Variants in PRKAG2 observed in about 807,000 individuals in gnomAD.
The protein encoded by PRKAG2 is protein kinase AMP-activated non-catalytic subunit gamma 2.
A neutral mutation model predicts 69.6 loss-of-function variants in PRKAG2; 26 were observed. That is an observed-to-expected ratio of 0.37 (90% CI 0.27 to 0.52). The LOEUF is 0.52. Ranked by LOEUF, PRKAG2 falls within the 20% of genes least tolerant of loss-of-function variation. The pLI is 0.90. For synonymous variants in PRKAG2, 293 were observed against 285.0 expected, an observed-to-expected ratio of 1.03 and a Z score of -0.28; for missense variants, 557 against 740.0, an observed-to-expected ratio of 0.75 and a Z score of 2.87.
chr7:151,727,992 A>G (rs1798277945), intron 3 of PRKAG2, among the ~76,000 whole-genome samples: 1 of 152,138 alleles, frequency 6.6e-6, no homozygotes, highest in Admixed American at 6.5e-5. Context: ...ACACTCCCCC[A>G]GCAGCCTGCT....
chr7:151,768,527 A>G (rs2075857864), intron 3 of PRKAG2, among the ~76,000 whole-genome samples: 1 of 152,108 alleles, frequency 6.6e-6, no homozygotes, highest in Non-Finnish European at 1.5e-5. Context: ...GTGCACTAGC[A>G]CGATCCTGGC....
chr7:151,818,422 G>T (rs2078695577), intron 1 of PRKAG2, among the ~76,000 whole-genome samples: 1 of 151,380 alleles, frequency 6.6e-6, no homozygotes. Context: ...GTCAAATGCT[G>T]CATGCCAAGC....
In PRKAG2 at chr7:151,781,411, C is replaced by G. The variant is rs144384573; in HGVS notation, c.207G>C (p.Pro69=). Residue 69 remains proline (P), a synonymous_variant, in exon 3 of 16, where the codon CCG becomes CCC. Coordinates refer to ENST00000287878, the MANE Select transcript of PRKAG2 (RefSeq NM_016203.4). The surrounding 1 kb of genome is among the most constrained non-coding windows in gnomAD (Gnocchi z 6.1). ...AGAAGAACCCTTTGGAGGGGCTGCC[C>G]GGGCCGAAGGGGCTGTCCACCTGCA... The part of the protein sequence containing the change: ...SSRKVDSPFG[P]GSPSKGFFSR... The G allele has an allele frequency of 2.5e-6, 4 of 1,609,030 alleles. No individual in the cohort carries two copies. The South Asian group carries it at 4.4e-5, about 18-fold the overall frequency.
intron 1 of PRKAG2, among the ~76,000 whole-genome samples, chr7:151,804,541 G>C (rs190278393): frequency 6.6e-6 from 1 of 152,046 alleles, no homozygotes; most frequent in African/African-American, 2.4e-5. Context: ...GAGGAGATTT[G>C]GGTGGGGACA....
chr7:151,690,792 C>T (rs996080528), intron 3 of PRKAG2, among the ~76,000 whole-genome samples: 1 of 152,214 alleles, frequency 6.6e-6, no homozygotes, highest in Non-Finnish European at 1.5e-5. Context: ...AATCATTCCT[C>T]CTTTTCATGC....
At chr7:151,735,611 G>A (rs1236209471) in intron 3 of PRKAG2, among the ~76,000 whole-genome samples, 1 of 152,186 alleles carries the variant, frequency 6.6e-6, no homozygotes, top group Admixed American at 6.5e-5. Context: ...CTGAGCCACA[G>A]TTTTTGCATA....
intron 3 of PRKAG2, among the ~76,000 whole-genome samples, chr7:151,695,884 AAACCGTAGGC>A (rs1295514413): frequency 6.6e-6 from 1 of 152,174 alleles, no homozygotes; most frequent in Non-Finnish European, 1.5e-5. Flanking sequence ...AGACAGGTGG[AAACCGTAGGC>A]ACTGTGTCCT....
intron 5 of PRKAG2, among the ~76,000 whole-genome samples, chr7:151,605,222 G>T (rs1817223517): frequency 6.6e-6 from 1 of 151,244 alleles, no homozygotes; most frequent in South Asian, 2.1e-4. Context: ...TCACCATGTT[G>T]GCCAGGCTGG....
At chr7:151,663,109 T>A (rs1830551006) in intron 4 of PRKAG2, among the ~76,000 whole-genome samples, 1 of 152,092 alleles carries the variant, frequency 6.6e-6, no homozygotes, top group Non-Finnish European at 1.5e-5. Flanking sequence ...GACACAAATC[T>A]GAACAAGTCC....
At position 151,868,764 on chromosome 7, in the gene PRKAG2, TA is replaced by T. The variant is rs1467422419; in HGVS notation, c.114+7742del. On this transcript the variant is annotated intron_variant, in intron 1 of 15. Transcript: ENST00000287878. Reference sequence around the variant, plus strand: ...TACTCGGTAACCTTAGCAGCCCCCATAAATGTAAAAAGGTGCCTAGAAACAG... The same window carrying T: ...TACTCGGTAACCTTAGCAGCCCCCATAATGTAAAAAGGTGCCTAGAAACAG... Among the ~76,000 whole-genome samples the T allele has an allele frequency of 1.1e-4, 16 of 152,208 alleles. No homozygotes were observed. In the East Asian group the frequency reaches 3.1e-3, roughly 29 times the overall value.
At chr7:151,639,102 C>G (rs1015597906) in intron 4 of PRKAG2, among the ~76,000 whole-genome samples, 3 of 152,074 alleles carry the variant, frequency 2.0e-5, no homozygotes, top group South Asian at 4.1e-4. Flanking sequence ...CAGTCCCAGC[C>G]CAGCCCTCTC....
intron 3 of PRKAG2, among the ~76,000 whole-genome samples, chr7:151,695,648 G>C (rs1214657228): frequency 1.3e-5 from 2 of 152,238 alleles, no homozygotes; most frequent in Admixed American, 6.5e-5. Flanking sequence ...CTTATGAGCA[G>C]AGCCTCAGTT....
At chr7:151,714,268 C>T (rs1352516424) in intron 3 of PRKAG2, among the ~76,000 whole-genome samples, 1 of 152,212 alleles carries the variant, frequency 6.6e-6, no homozygotes. Context: ...ACTTCTAAGC[C>T]TTGAGGAAAA....
At chr7:151,631,461 A>G (rs1824383903) in intron 5 of PRKAG2, among the ~76,000 whole-genome samples, 2 of 152,136 alleles carry the variant, frequency 1.3e-5, no homozygotes, top group Non-Finnish European at 2.9e-5. Flanking sequence ...ATAAGATCCA[A>G]GTTATTTACC....
intron 3 of PRKAG2, among the ~76,000 whole-genome samples, chr7:151,700,737 C>T (rs532981330): frequency 6.4e-4 from 91 of 142,784 alleles, no homozygotes; most frequent in South Asian, 2.1e-3. Context: ...GAGAAGCTGA[C>T]GGTAGCTTCC....
At chr7:151,826,869 T>G (rs1375198859) in intron 1 of PRKAG2, among the ~76,000 whole-genome samples, 3 of 152,226 alleles carry the variant, frequency 2.0e-5, no homozygotes, top group Non-Finnish European at 4.4e-5. Context: ...CACTTGTTTA[T>G]TCACCCAACA....
rs2078577632 is a variant in PRKAG2, at chr7:151,814,463, C to T, written c.115-27922G>A. ...GTCTTCTCTTCCAGATGCTAATAAG[C>T]AGTGCAGGCTTGTAAGCTGCTGGAT... is the stretch of plus-strand genomic sequence containing the variant. On this transcript the variant is annotated intron_variant, in intron 1 of 15. Transcript: ENST00000287878. This position sits in a 1 kb window ranked among gnomAD's most constrained non-coding sequence, Gnocchi z 4.8. 8.1e-7 allele frequency: 1 copy of T among 1,230,356 alleles called. No individual in the cohort carries two copies. Among genetic ancestry groups the T allele is most frequent in the Non-Finnish European group, 1.0e-6 (1 of 987,642 alleles). The allele number at this position is 1,230,356 out of a possible 1,614,324, so 76.2% of individuals were successfully genotyped here.
chr7:151,561,622 C>T (rs946134038), intron 14 of PRKAG2, among the ~76,000 whole-genome samples: 1 of 152,186 alleles, frequency 6.6e-6, no homozygotes, highest in Non-Finnish European at 1.5e-5. Flanking sequence ...AAGGGAGCGG[C>T]GTTGCTATTC....
At chr7:151,832,595 T>TGGGGG (rs34839120) in intron 1 of PRKAG2, among the ~76,000 whole-genome samples, 4 of 141,698 alleles carry the variant, frequency 2.8e-5, no homozygotes, top group South Asian at 2.4e-4. Context: ...GAGGCATCTC[T>TGGGGG]GGGGGGGGGG....
Sources: allele counts gnomAD v4.1 joint callset (sites outside exome capture counted in the v4.1 genomes callset), GRCh38; gene constraint gnomAD v4.1.1; non-coding constraint Gnocchi (gnomAD v3.1); transcripts MANE v1.5; gene names NCBI Gene and HGNC (gene_info 2026-07-23, HGNC 2026-07-21).